Variants in TMTC2 observed in about 807,000 individuals in gnomAD.
TMTC2 encodes protein O-mannosyl-transferase TMTC2.
A neutral mutation model predicts 82.4 loss-of-function variants in TMTC2; 43 were observed. The ratio of observed to expected loss-of-function variants is 0.52; its 90% CI spans 0.41 to 0.67. TMTC2 has a LOEUF of 0.67. Ranked by LOEUF, TMTC2 falls within the 30% of genes least tolerant of loss-of-function variation. The probability of loss-of-function intolerance (pLI) is 0.00; values close to 1 mark genes in which losing one functional copy is unlikely to be tolerated. For missense variants in TMTC2, 919 were observed against 1,012.4 expected (o/e 0.91, Z 1.25); for synonymous variants, 408 against 381.9 (o/e 1.07, Z -0.80).
chr12:82,929,515 T>C (rs762165793), intron 3 of TMTC2, among the ~76,000 whole-genome samples: 2 of 152,342 alleles, frequency 1.3e-5, no homozygotes, highest in Non-Finnish European at 2.9e-5. Flanking sequence ...GATTCTGTGC[T>C]CTTTTTTTGC....
chr12:82,768,028 T>TACTCTTTTCCTGCTA (rs11273512), intron 1 of TMTC2, among the ~76,000 whole-genome samples: 3 of 152,050 alleles, frequency 2.0e-5, no homozygotes, highest in African/African-American at 7.3e-5. Flanking sequence ...TAAACTTACT[T>TACTCTTTTCCTGCTA]ACTCATCTTT....
chr12:83,070,209 C>G (rs1883061735), intron 11 of TMTC2, among the ~76,000 whole-genome samples: 1 of 151,968 alleles, frequency 6.6e-6, no homozygotes, highest in Admixed American at 6.6e-5. Context: ...TTGTTTATTT[C>G]TAATTCTGTG....
intron 1 of TMTC2, among the ~76,000 whole-genome samples, chr12:82,718,262 C>T (rs570717958): frequency 6.6e-6 from 1 of 152,120 alleles, no homozygotes; most frequent in Non-Finnish European, 1.5e-5. Flanking sequence ...AAGCAAAAAT[C>T]AAAAAACTGC....
intron 1 of TMTC2, among the ~76,000 whole-genome samples, chr12:82,804,255 A>T (rs1565757688): frequency 6.6e-6 from 1 of 152,116 alleles, no homozygotes; most frequent in Non-Finnish European, 1.5e-5. Context: ...GAGGTTGGTC[A>T]CCTTTCAGAA....
chr12:82,765,877 A>T (rs975990151), intron 1 of TMTC2, among the ~76,000 whole-genome samples: 2 of 152,050 alleles, frequency 1.3e-5, no homozygotes, highest in Non-Finnish European at 2.9e-5. Context: ...GGGGCTGGGG[A>T]TAGATGATCA....
intron 2 of TMTC2, among the ~76,000 whole-genome samples, chr12:82,864,544 C>A (rs1871723409): frequency 6.8e-6 from 1 of 147,202 alleles, no homozygotes; most frequent in Admixed American, 6.8e-5. Flanking sequence ...TGTCTGTCGC[C>A]ACGCTGGAGT....
chr12:83,061,772 G>A lies in TMTC2; in HGVS notation c.2272G>A (p.Ala758Thr), dbSNP rs761971587. 7 of 1,594,746 alleles carry A rather than the reference G, an allele frequency of 4.4e-6. No individual in the cohort carries two copies. In the South Asian group the frequency reaches 8.2e-5, roughly 19 times the overall value. The change falls in exon 11 of 12, where the codon GCT becomes ACT. Residue 758 changes from alanine (A) to threonine (T), a missense_variant. Ala to Thr is a moderately conservative substitution (Grantham distance 58). Transcript: ENST00000321196. ...VFNAAHMLRQASLNEAAEKYY... is the reference protein window; with the variant it reads ...VFNAAHMLRQTSLNEAAEKYY... ...ATTTTATTTTTTCTTTTACAGACAG[G>A]CTAGCCTCAATGAAGCAGCTGAGAA...
chr12:82,847,100 C>A (rs1870726855), intron 1 of TMTC2, among the ~76,000 whole-genome samples: 1 of 152,134 alleles, frequency 6.6e-6, no homozygotes, highest in Non-Finnish European at 1.5e-5. Flanking sequence ...CATAGTATTT[C>A]TCTCATTCTC....
chr12:82,929,132 T>A (rs1875884156), intron 3 of TMTC2, among the ~76,000 whole-genome samples: 1 of 152,084 alleles, frequency 6.6e-6, no homozygotes, highest in African/African-American at 2.4e-5. Context: ...TTGAGTGCGG[T>A]GGCGTGATCA....
intron 2 of TMTC2, among the ~76,000 whole-genome samples, chr12:82,876,201 T>C (rs1291904908): frequency 6.8e-6 from 1 of 146,192 alleles, no homozygotes; most frequent in African/African-American, 2.7e-5. Flanking sequence ...TTTCTCACAG[T>C]GTTTACCTTC....
chr12:82,900,631 T>C (rs1873935447), intron 3 of TMTC2, among the ~76,000 whole-genome samples: 1 of 145,560 alleles, frequency 6.9e-6, no homozygotes, highest in South Asian at 2.2e-4. Context: ...GAGAGGAATA[T>C]ATATAGGAAT....
At chr12:82,975,921 C>A (rs201457390) in intron 7 of TMTC2, among the ~76,000 whole-genome samples, 1 of 151,656 alleles carries the variant, frequency 6.6e-6, no homozygotes, top group African/African-American at 2.4e-5. Context: ...TGCTATTTAG[C>A]ACTTCTTTGC....
intron 9 of TMTC2, among the ~76,000 whole-genome samples, chr12:83,039,331 C>A (rs998722816): frequency 1.4e-4 from 21 of 152,016 alleles, no homozygotes; most frequent in Non-Finnish European, 2.9e-5. Flanking sequence ...AACATGTAAA[C>A]TTTCAAGACA....
chr12:83,040,683 T>TC (rs1367315769), intron 9 of TMTC2, among the ~76,000 whole-genome samples: 1 of 148,812 alleles, frequency 6.7e-6, no homozygotes, highest in South Asian at 2.1e-4. Flanking sequence ...CCTTTTCTTT[T>TC]TTTTTTTTTT....
intron 11 of TMTC2, among the ~76,000 whole-genome samples, chr12:83,079,082 A>C (rs570476909): frequency 1.3e-5 from 2 of 152,164 alleles, no homozygotes; most frequent in Non-Finnish European, 2.9e-5. Context: ...AATTGCTTAG[A>C]TCACAGGAAG....
intron 1 of TMTC2, among the ~76,000 whole-genome samples, chr12:82,700,079 T>C (rs747835387): frequency 1.3e-5 from 2 of 152,186 alleles, no homozygotes; most frequent in East Asian, 3.8e-4. Flanking sequence ...TCCTTGAGCA[T>C]TGTGGATTTT....
chr12:82,980,283 A>C lies in TMTC2; in HGVS notation c.1949-5642A>C, dbSNP rs1370101013. On this transcript the variant is annotated intron_variant, in intron 7 of 11. Transcript: ENST00000321196. ...GGAACTTATCATAGCAAACCTTAAAATTGCTAAAAGTGCTCATTAAAAGAA... is the reference window on the plus strand; with the variant it reads ...GGAACTTATCATAGCAAACCTTAAACTTGCTAAAAGTGCTCATTAAAAGAA... 3.3e-5 allele frequency among the ~76,000 whole-genome samples: 5 copies of C among 151,974 alleles called. No individual in the cohort carries two copies. The East Asian group carries it at 9.6e-4, about 29-fold the overall frequency.
chr12:83,058,483 G>A (rs906696987), intron 10 of TMTC2, among the ~76,000 whole-genome samples: 1 of 151,796 alleles, frequency 6.6e-6, no homozygotes, highest in South Asian at 2.1e-4. Flanking sequence ...GTGAAGAGTG[G>A]GAGGTCCCAA....
intron 1 of TMTC2, among the ~76,000 whole-genome samples, chr12:82,813,459 C>G (rs1868516028): frequency 6.6e-6 from 1 of 152,008 alleles, no homozygotes; most frequent in Admixed American, 6.6e-5. Context: ...TTCCTTTGTT[C>G]AGGAGTTTCT....
Sources: gnomAD v4.1 joint callset for allele counts (sites outside exome capture counted in the v4.1 genomes callset) on GRCh38, gnomAD v4.1.1 for gene constraint, MANE v1.5 for transcripts, NCBI Gene and HGNC (gene_info 2026-07-23, HGNC 2026-07-21) for gene names.